Variants in KALRN observed in about 807,000 individuals in gnomAD.
The protein encoded by KALRN is kalirin RhoGEF kinase.
A neutral mutation model predicts 353.7 loss-of-function variants in KALRN; 70 were observed. That is an observed-to-expected ratio of 0.20 (90% CI 0.16 to 0.24). The LOEUF is 0.24. Among genes scored for constraint, KALRN ranks in the 10% least tolerant of loss-of-function variants. The pLI, the probability that KALRN is intolerant of heterozygous loss-of-function variation, is 1.00. For missense variants in KALRN, 2,791 were observed against 3,756.7 expected, an observed-to-expected ratio of 0.74 and a Z score of 6.72; for synonymous variants, 1,391 against 1,434.8, an observed-to-expected ratio of 0.97 and a Z score of 0.69.
At chr3:124,664,370 T>TGTGTGCGCGCGCGCGC (rs370394911) in intron 45 of KALRN, among the ~76,000 whole-genome samples, 2 of 129,534 alleles carry the variant, frequency 1.5e-5, no homozygotes. Context: ...TGTGTGTGTG[T>TGTGTGCGCGCGCGCGC]GCGCGCGCGC....
chr3:124,533,698 C>T (rs2068265030), intron 33 of KALRN, among the ~76,000 whole-genome samples: 1 of 152,258 alleles, frequency 6.6e-6, no homozygotes, highest in African/African-American at 2.4e-5. Flanking sequence ...GTCATGTAAT[C>T]AGCTGGGTTA....
chr3:124,389,577 A>G (rs2088997294), intron 11 of KALRN, among the ~76,000 whole-genome samples: 1 of 152,266 alleles, frequency 6.6e-6, no homozygotes, highest in African/African-American at 2.4e-5. Context: ...ATTAGAGACC[A>G]TCTAAATGTT....
intron 51 of KALRN, among the ~76,000 whole-genome samples, chr3:124,690,782 G>A (rs566989560): frequency 1.3e-5 from 2 of 152,280 alleles, no homozygotes; most frequent in African/African-American, 2.4e-5. Context: ...TAGCTTATGC[G>A]AACTTCAAGT....
intron 5 of KALRN, among the ~76,000 whole-genome samples, chr3:124,270,362 G>A (rs979064855): frequency 2.0e-5 from 3 of 152,092 alleles, no homozygotes; most frequent in African/African-American, 7.2e-5. Context: ...CTCTGTATAA[G>A]TGTGATCCCA....
At chr3:124,219,476 G>A (rs1441040156) in intron 1 of KALRN, among the ~76,000 whole-genome samples, 1 of 152,194 alleles carries the variant, frequency 6.6e-6, no homozygotes, top group South Asian at 2.1e-4. Flanking sequence ...AAGGCTGCCC[G>A]ACCTAGTTAT....
intron 1 of KALRN, among the ~76,000 whole-genome samples, chr3:124,066,910 A>G (rs1027652244): frequency 1.3e-5 from 2 of 152,194 alleles, no homozygotes; most frequent in African/African-American, 4.8e-5. Context: ...GTTTCCCAGT[A>G]CTAATATGTG....
At chr3:124,273,820 G>A (rs746966241) in intron 5 of KALRN, among the ~76,000 whole-genome samples, 5 of 152,174 alleles carry the variant, frequency 3.3e-5, no homozygotes, top group Non-Finnish European at 5.9e-5. Flanking sequence ...TCAGCCGGGC[G>A]CCCTCTGGTC....
In KALRN at chr3:124,659,389, A is replaced by G. The variant is rs1366932646; in HGVS notation, c.6148A>G (p.Arg2050Gly). Residue 2050 changes from arginine (R) to glycine (G), a missense_variant, in exon 43 of 60, where the codon AGG becomes GGG. By Grantham distance (125) the Arg-to-Gly change is moderately radical (BLOSUM62 -2). Coordinates refer to ENST00000682506, the MANE Select transcript of KALRN (RefSeq NM_001388419.1). ...GGAGGTAAAACAGGAGATAAATCAG[A>G]GGCTGACACTGAGTGACTTCCTCAT... is the stretch of plus-strand genomic sequence containing the variant. Reference protein sequence around the residue: ...FEEVKQEINQRLTLSDFLIKP... With the variant: ...FEEVKQEINQGLTLSDFLIKP... The G allele has an allele frequency of 1.2e-6, 2 of 1,613,590 alleles. No homozygotes were observed. Among genetic ancestry groups the G allele is most frequent in the Non-Finnish European group, 8.5e-7 (1 of 1,179,478 alleles).
intron 39 of KALRN, among the ~76,000 whole-genome samples, chr3:124,656,487 T>A (rs2084052677): frequency 6.6e-6 from 1 of 152,116 alleles, no homozygotes; most frequent in Non-Finnish European, 1.5e-5. Context: ...GGTGGGCGCC[T>A]GTAGTCCCAG....
At chr3:124,082,414 TTC>T in intron 1 of KALRN, 1 of 409,930 alleles carries the variant, frequency 2.4e-6, no homozygotes, top group Non-Finnish European at 5.0e-6. Context: ...AACCAAGTAA[TTC>T]TTCTCCAGAA....
rs3054177 is a variant in KALRN at position 124,265,298 on chromosome 3, C to CTTTTTTTTTT, written c.456+613_456+622dup. Reference sequence around the variant, plus strand: ...CTAGTAACTAATTTAAGAAAATATTCTTTTTTTTTTTTTTGAGATAGAGTC... The same window carrying CTTTTTTTTTT: ...CTAGTAACTAATTTAAGAAAATATTCTTTTTTTTTTTTTTTTTTTTTTTTGAGATAGAGTC... On this transcript the variant is annotated intron_variant, in intron 4 of 59. Coordinates refer to ENST00000682506, the MANE Select transcript of KALRN (RefSeq NM_001388419.1). 9.7e-3 allele frequency among the ~76,000 whole-genome samples: 707 copies of CTTTTTTTTTT among 73,014 alleles called. 178 individuals are homozygous for CTTTTTTTTTT. Among genetic ancestry groups the CTTTTTTTTTT allele is most frequent in the Middle Eastern group, 0.03 (4 of 134 alleles). 47.9% of individuals were successfully genotyped at this position (73,014 alleles called of 152,430 possible).
intron 35 of KALRN, 131 bp from the exon 36 acceptor site, chr3:124,633,721 T>C: frequency 2.9e-6 from 2 of 685,572 alleles, no homozygotes; most frequent in Admixed American, 5.2e-5. Flanking sequence ...AAAGAGGAAA[T>C]TGCGACTGAA....
chr3:124,584,684 G>A, intron 34 of KALRN: 1 of 1,432,752 alleles, frequency 7.0e-7, no homozygotes, highest in Non-Finnish European at 9.1e-7. Context: ...TCAGAGCTGC[G>A]GCCGCGGTGC....
intron 1 of KALRN, among the ~76,000 whole-genome samples, chr3:124,107,166 A>G (rs2062388059): frequency 6.6e-6 from 1 of 152,186 alleles, no homozygotes; most frequent in Non-Finnish European, 1.5e-5. Flanking sequence ...TGGGATAATG[A>G]GCTCCATATT....
chr3:124,690,351 TG>T (rs1241351801), intron 51 of KALRN, among the ~76,000 whole-genome samples: 1 of 152,146 alleles, frequency 6.6e-6, no homozygotes, highest in Non-Finnish European at 1.5e-5. Context: ...TACTCTGATT[TG>T]CTTCAAAGAA....
intron 37 of KALRN, among the ~76,000 whole-genome samples, chr3:124,645,777 G>A (rs629999): frequency 0.23 from 35,599 of 151,834 alleles, 4,480 homozygotes; most frequent in East Asian, 0.47. Context: ...GGGTGCAGAT[G>A]TCTTAAGAAA....
rs142241428 is a variant in KALRN, at chr3:124,382,152, C to T, written c.1771-2693C>T. ...TTCATCTGTAAAATGGGTATGATGG[C>T]TGCATCAACTTCATAGGGTTATTGC... is the stretch of plus-strand genomic sequence containing the variant. On this transcript the variant is annotated intron_variant, in intron 10 of 59. Coordinates refer to ENST00000682506, the MANE Select transcript of KALRN (RefSeq NM_001388419.1). 1.5e-4 allele frequency among the ~76,000 whole-genome samples: 23 copies of T among 152,244 alleles called. No homozygotes were observed. In the East Asian group the frequency reaches 4.4e-3, roughly 29 times the overall value.
At chr3:124,354,852 A>G (rs1043894361) in intron 10 of KALRN, among the ~76,000 whole-genome samples, 1 of 152,238 alleles carries the variant, frequency 6.6e-6, no homozygotes, top group South Asian at 2.1e-4. Flanking sequence ...CTTCACATCT[A>G]TATGAAATCT....
chr3:124,674,288 T>C (rs2086882991), intron 48 of KALRN, 76 bp from the exon 49 acceptor site: 1 of 1,485,508 alleles, frequency 6.7e-7, no homozygotes, highest in East Asian at 2.4e-5. Context: ...CTTGAACCAC[T>C]GGGTAGGGTG....
Sources: gnomAD v4.1 joint callset for allele counts (sites outside exome capture counted in the v4.1 genomes callset) on GRCh38, gnomAD v4.1.1 for gene constraint, MANE v1.5 for transcripts, NCBI Gene and HGNC (gene_info 2026-07-23, HGNC 2026-07-21) for gene names.